The following ANKS1B variants were observed in gnomAD, a reference collection of about 807,000 sequenced individuals.
ANKS1B encodes ankyrin repeat and sterile alpha motif domain-containing protein 1B.
Under a neutral mutation model 148.3 loss-of-function variants are expected in ANKS1B, and 36 were observed. The observed-to-expected ratio is 0.24, with a 90% CI of 0.19 to 0.32. The LOEUF is 0.32. Among genes scored for constraint, ANKS1B ranks in the 10% least tolerant of loss-of-function variants. ANKS1B has a pLI of 1.00. For synonymous variants in ANKS1B, 542 were observed against 560.8 expected (o/e 0.97, Z 0.47); for missense variants, 1,157 against 1,542.6 (o/e 0.75, Z 4.19).
At chr12:99,604,815 CAAA>C (rs150262116) in intron 9 of ANKS1B, among the ~76,000 whole-genome samples, 3 of 81,102 alleles carry the variant, frequency 3.7e-5, no homozygotes, top group Non-Finnish European at 5.2e-5. Context: ...AACTCTATCT[CAAA>C]AAAAAAAAAA....
intron 8 of ANKS1B, among the ~76,000 whole-genome samples, chr12:99,750,569 C>G (rs545286628): frequency 6.6e-6 from 1 of 152,184 alleles, no homozygotes; most frequent in African/African-American, 2.4e-5. Flanking sequence ...GGGCACTTAG[C>G]TAAACCATAT....
chr12:99,661,513 C>T (rs2098477396), intron 8 of ANKS1B, among the ~76,000 whole-genome samples: 1 of 152,134 alleles, frequency 6.6e-6, no homozygotes, highest in African/African-American at 2.4e-5. Context: ...GAATAAGCAA[C>T]CCGACCCTTG....
At chr12:98,842,106 A>G (rs2099410029) in intron 17 of ANKS1B, among the ~76,000 whole-genome samples, 1 of 152,244 alleles carries the variant, frequency 6.6e-6, no homozygotes, top group African/African-American at 2.4e-5. Context: ...ATATGCCCAC[A>G]TAAAGATGTG....
chr12:98,821,792 G>C (rs992174647), intron 19 of ANKS1B, among the ~76,000 whole-genome samples: 1 of 152,046 alleles, frequency 6.6e-6, no homozygotes, highest in African/African-American at 2.4e-5. Flanking sequence ...ATTTTTAGCA[G>C]AGATGGGGTT....
chr12:99,626,981 A>G (rs946776232), intron 9 of ANKS1B, among the ~76,000 whole-genome samples: 3 of 152,166 alleles, frequency 2.0e-5, no homozygotes, highest in Non-Finnish European at 4.4e-5. Flanking sequence ...ATAAAATAAT[A>G]GACACCACTT....
At chr12:99,554,333 T>C (rs1425197230) in intron 9 of ANKS1B, among the ~76,000 whole-genome samples, 1 of 152,124 alleles carries the variant, frequency 6.6e-6, no homozygotes, top group African/African-American at 2.4e-5. Context: ...ATGGAATGGA[T>C]ATGAGTCAGG....
At chr12:99,534,247 G>A (rs2097036582) in intron 9 of ANKS1B, among the ~76,000 whole-genome samples, 1 of 152,228 alleles carries the variant, frequency 6.6e-6, no homozygotes, top group Admixed American at 6.5e-5. Context: ...GTGAACAACT[G>A]AATGAGAAGT....
intron 1 of ANKS1B, among the ~76,000 whole-genome samples, chr12:99,971,192 A>T (rs2095553793): frequency 6.6e-6 from 1 of 152,194 alleles, no homozygotes. Flanking sequence ...AAAAATTTTT[A>T]AGAAATAGTT....
At chr12:99,520,685 A>G (rs1425981248) in intron 9 of ANKS1B, among the ~76,000 whole-genome samples, 1 of 152,144 alleles carries the variant, frequency 6.6e-6, no homozygotes, top group African/African-American at 2.4e-5. Context: ...CTTTAAGGCC[A>G]ATAACTCTTA....
chr12:99,252,048 G>A (rs1453218874), intron 12 of ANKS1B, among the ~76,000 whole-genome samples: 1 of 152,142 alleles, frequency 6.6e-6, no homozygotes, highest in Non-Finnish European at 1.5e-5. Context: ...ATAAAGCAAA[G>A]TAATGAGATA....
intron 17 of ANKS1B, among the ~76,000 whole-genome samples, chr12:99,025,093 GTAAT>G (rs2099948001): frequency 6.6e-6 from 1 of 152,142 alleles, no homozygotes; most frequent in South Asian, 2.1e-4. Flanking sequence ...ACCTGTGAAA[GTAAT>G]AATAAACTTT....
Position 99,467,372 on chromosome 12 carries a change from C to T in ANKS1B, c.1439-23563G>A, listed in dbSNP as rs578164708. 2.6e-5 allele frequency among the ~76,000 whole-genome samples: 4 copies of T among 152,284 alleles called. No individual in the cohort carries two copies. In the South Asian group the frequency reaches 6.2e-4, roughly 24 times the overall value. On this transcript the variant is annotated intron_variant, in intron 10 of 26. Transcript: ENST00000683438. ...AAAACTGGAAGCATTCCCTTGAAAACTGGCACAAGACAGGGATGCCCTTTC... is the reference window on the plus strand; with the variant it reads ...AAAACTGGAAGCATTCCCTTGAAAATTGGCACAAGACAGGGATGCCCTTTC...
chr12:98,814,981 A>T (rs889176105), intron 19 of ANKS1B, among the ~76,000 whole-genome samples: 5 of 152,232 alleles, frequency 3.3e-5, no homozygotes, highest in African/African-American at 1.2e-4. Context: ...CCATGACTTC[A>T]GCTCAGAAAA....
In ANKS1B at chr12:99,056,009, G is replaced by A. The variant is rs1599115646; in HGVS notation, c.2626-2700C>T. ...CAATCTTAAAGAGGTGAGAGGGAGG[G>A]AAATATTTGGTGGGAGGATGAAAGA... On this transcript the variant is annotated intron_variant, in intron 16 of 26. Transcript: ENST00000683438. Among the ~76,000 whole-genome samples, 4 of 152,260 alleles carry A rather than the reference G, an allele frequency of 2.6e-5. No individual in the cohort carries two copies. The East Asian group carries it at 5.8e-4, about 22-fold the overall frequency.
rs186811092 is a variant in ANKS1B, at chr12:98,805,359, A to T, written c.3141+2485T>A. ...ACATCAATTAAACAGAGGAAAATGT[A>T]CATCATTAGCTCTCTTCTTCAAACT... is the stretch of plus-strand genomic sequence containing the variant. On this transcript the variant is annotated intron_variant, in intron 20 of 26. Transcript: ENST00000683438. 1.7e-3 allele frequency among the ~76,000 whole-genome samples: 264 copies of T among 152,002 alleles called. 1 individual carries two copies. The highest frequency in any genetic ancestry group is 2.4e-3 in the Non-Finnish European group (166 of 67,970).
rs78848051 is a variant in ANKS1B at position 98,852,477 on chromosome 12, A to G, written c.2779-20341T>C. ...AGGAAGAACAGGGTTGGCAGGGAACATGAGGCTCTGGGAGTACTACTTTCT... is the reference window on the plus strand; with the variant it reads ...AGGAAGAACAGGGTTGGCAGGGAACGTGAGGCTCTGGGAGTACTACTTTCT... On this transcript the variant is annotated intron_variant, in intron 17 of 26. Coordinates refer to ENST00000683438, the MANE Select transcript of ANKS1B (RefSeq NM_001352186.2). Among the ~76,000 whole-genome samples, 700 of 152,284 alleles carry G rather than the reference A, an allele frequency of 4.6e-3. 4 individuals carry two copies. Among genetic ancestry groups the G allele is most frequent in the African/African-American group, 0.016 (677 of 41,560 alleles).
intron 1 of ANKS1B, among the ~76,000 whole-genome samples, chr12:99,851,702 T>G (rs2087875452): frequency 6.6e-6 from 1 of 152,172 alleles, no homozygotes; most frequent in African/African-American, 2.4e-5. Flanking sequence ...AAGATGATGT[T>G]GGTAACCCAG....
chr12:99,419,057 C>G (rs949015662), intron 11 of ANKS1B, among the ~76,000 whole-genome samples: 1 of 151,942 alleles, frequency 6.6e-6, no homozygotes, highest in Non-Finnish European at 1.5e-5. Context: ...AATTTTTTGT[C>G]TATATTCATG....
At chr12:99,204,279 G>A (rs548256211) in intron 14 of ANKS1B, among the ~76,000 whole-genome samples, 2 of 152,310 alleles carry the variant, frequency 1.3e-5, no homozygotes, top group South Asian at 2.1e-4. Flanking sequence ...CTGAAATGCT[G>A]GCTAAATTTC....
Sources: allele counts gnomAD v4.1 joint callset (sites outside exome capture counted in the v4.1 genomes callset), GRCh38; gene constraint gnomAD v4.1.1; transcripts MANE v1.5; gene names NCBI Gene and HGNC (gene_info 2026-07-23, HGNC 2026-07-21).